Variants in ITPR2 observed in about 807,000 individuals in gnomAD.
The protein encoded by ITPR2 is inositol 1,4,5-trisphosphate-gated calcium channel ITPR2.
Under a neutral mutation model 317.1 loss-of-function variants are expected in ITPR2, and 207 were observed. That is an observed-to-expected ratio of 0.65 (90% confidence interval 0.58 to 0.73). The LOEUF is 0.73. Ranked by LOEUF, ITPR2 falls within the 30% of genes least tolerant of loss-of-function variation. The probability of loss-of-function intolerance (pLI) is 0.00; values close to 1 mark genes in which losing one functional copy is unlikely to be tolerated. For missense variants in ITPR2, 2,613 were observed against 3,284.0 expected (o/e 0.80, Z 4.99); for synonymous variants, 1,156 against 1,149.1 (o/e 1.01, Z -0.12).
intron 39 of ITPR2, among the ~76,000 whole-genome samples, chr12:26,493,484 T>C (rs1337474572): frequency 6.6e-6 from 1 of 152,190 alleles, no homozygotes; most frequent in Non-Finnish European, 1.5e-5. Context: ...GAGGAATAAA[T>C]TCCTGTGTTC....
At chr12:26,767,822 C>T (rs528161466) in intron 2 of ITPR2, among the ~76,000 whole-genome samples, 4 of 152,190 alleles carry the variant, frequency 2.6e-5, no homozygotes, top group East Asian at 1.9e-4. Flanking sequence ...AATAATCCTG[C>T]GATAAACATC....
intron 45 of ITPR2, among the ~76,000 whole-genome samples, chr12:26,453,558 C>T (rs1373936116): frequency 9.2e-5 from 14 of 152,152 alleles, no homozygotes; most frequent in Admixed American, 9.2e-4. Context: ...TTTTTGCTTT[C>T]GTTATATAGA....
chr12:26,582,280 T>G (rs565059279), intron 32 of ITPR2, among the ~76,000 whole-genome samples: 1 of 151,932 alleles, frequency 6.6e-6, no homozygotes, highest in East Asian at 1.9e-4. Flanking sequence ...GAATATTTCT[T>G]TATTTTCTTT....
At chr12:26,390,470 C>T (rs901254676) in intron 54 of ITPR2, among the ~76,000 whole-genome samples, 1 of 152,120 alleles carries the variant, frequency 6.6e-6, no homozygotes, top group Non-Finnish European at 1.5e-5. Flanking sequence ...ACCTTTAAAA[C>T]ATCCTACTAA....
At chr12:26,680,285 A>C (rs977908652) in intron 13 of ITPR2, among the ~76,000 whole-genome samples, 4 of 152,146 alleles carry the variant, frequency 2.6e-5, no homozygotes, top group Non-Finnish European at 4.4e-5. Context: ...TTTTCTGTAT[A>C]TACATATGGG....
chr12:26,621,129 T>C lies in ITPR2; in HGVS notation c.3456A>G (p.Pro1152=). Residue 1152 remains proline, a synonymous_variant, in exon 26 of 57, where the codon CCA becomes CCG. Coordinates refer to ENST00000381340, the MANE Select transcript of ITPR2 (RefSeq NM_002223.4). ...AATAGATCTTGAAACGAACCTCAAT[T>C]GGCTCTTCACCACCTTTCACTTGAC... ...GESQVKGGEE[P]IEESNILSPV... is the part of the protein sequence containing the mutation. 6 of 1,612,532 alleles carry C rather than the reference T, an allele frequency of 3.7e-6. No individual in the cohort carries two copies. Among genetic ancestry groups the C allele is most frequent in the Non-Finnish European group, 5.1e-6 (6 of 1,179,248 alleles).
intron 45 of ITPR2, among the ~76,000 whole-genome samples, chr12:26,447,006 A>G (rs1221226089): frequency 1.3e-5 from 2 of 151,868 alleles, no homozygotes; most frequent in African/African-American, 2.4e-5. Flanking sequence ...GCACATATCT[A>G]TATTACGAAA....
In ITPR2 at chr12:26,654,153, G is replaced by C. The variant is rs761690937; in HGVS notation, c.2590-27C>G. 10 of 1,521,844 alleles carry C rather than the reference G, an allele frequency of 6.6e-6. No homozygotes were observed. In the African/African-American group the frequency reaches 8.7e-5, roughly 13 times the overall value. The allele number at this position is 1,521,844 out of a possible 1,614,324, so 94.3% of individuals were successfully genotyped here. A position where few individuals can be genotyped will look rare whatever the true frequency, so the allele number is the denominator to read the frequency against. On this transcript the variant is annotated intron_variant, in intron 20 of 56. Coordinates refer to ENST00000381340, the MANE Select transcript of ITPR2 (RefSeq NM_002223.4). ...TTAATAAAAAAAAAAAAGCGGGGAG[G>C]GGGAGGGTGAAAGAGTGGAAAAAAA...
intron 37 of ITPR2, among the ~76,000 whole-genome samples, chr12:26,535,059 A>C (rs1247147424): frequency 6.6e-6 from 1 of 152,206 alleles, no homozygotes; most frequent in African/African-American, 2.4e-5. Flanking sequence ...AATAAATGAT[A>C]TGTGTATGAG....
chr12:26,599,884 A>G lies in ITPR2; in HGVS notation c.3801+103T>C, dbSNP rs1945952468. 3 of 843,386 alleles carry G rather than the reference A, an allele frequency of 3.6e-6. No homozygotes were observed. In the Admixed American group the frequency reaches 7.4e-5, roughly 21 times the overall value. The allele number at this position is 843,386 out of a possible 1,614,324, so 52.2% of individuals were successfully genotyped here. On this transcript the variant is annotated intron_variant, in intron 29 of 56. Transcript: ENST00000381340. The stretch of plus-strand genomic sequence containing the variant: ...GAGAGAGAATTTCCACAAGGAAAAA[A>G]AAATGAAGCAAGGAAGTGTAACAAA...
chr12:26,584,573 T>C (rs537234901), intron 32 of ITPR2, among the ~76,000 whole-genome samples: 72 of 152,296 alleles, frequency 4.7e-4, no homozygotes, highest in Middle Eastern at 3.4e-3. Context: ...TAAGTTACCA[T>C]ATGTTGAGCA....
intron 32 of ITPR2, among the ~76,000 whole-genome samples, chr12:26,589,819 A>T (rs12823921): frequency 0.1 from 4,079 of 40,274 alleles, 532 homozygotes; most frequent in Non-Finnish European, 0.16. Context: ...AAAATAAATA[A>T]ATAAATAAAT....
chr12:26,496,381 C>T (rs1942932210), intron 37 of ITPR2, among the ~76,000 whole-genome samples: 1 of 152,140 alleles, frequency 6.6e-6, no homozygotes, highest in Non-Finnish European at 1.5e-5. Flanking sequence ...CATATTTTGG[C>T]TATTCTTTCT....
In ITPR2 at chr12:26,335,501, C is replaced by T. The variant is rs1378928378; in HGVS notation, c.*3896G>A. Among the ~76,000 whole-genome samples the T allele has an allele frequency of 1.3e-5, 2 of 152,106 alleles. No individual in the cohort carries two copies. Among genetic ancestry groups the T allele is most frequent in the Non-Finnish European group, 2.9e-5 (2 of 68,010 alleles). ...ATGAGAAATACTGGTGTGATAATTTCATAAATTATTCAAGTCTGTGGAAAC... is the reference window on the plus strand; with the variant it reads ...ATGAGAAATACTGGTGTGATAATTTTATAAATTATTCAAGTCTGTGGAAAC... On this transcript the variant is annotated 3_prime_UTR_variant, in exon 57 of 57. Coordinates refer to ENST00000381340, the MANE Select transcript of ITPR2 (RefSeq NM_002223.4).
chr12:26,491,902 T>A (rs931662031), intron 39 of ITPR2, among the ~76,000 whole-genome samples: 3 of 152,136 alleles, frequency 2.0e-5, no homozygotes, highest in African/African-American at 7.2e-5. Flanking sequence ...TTTGTGCACA[T>A]CCCACTAAAT....
intron 2 of ITPR2, among the ~76,000 whole-genome samples, chr12:26,768,120 T>C (rs1053927444): frequency 1.3e-5 from 2 of 152,206 alleles, no homozygotes; most frequent in African/African-American, 4.8e-5. Context: ...AGCTTATGGA[T>C]ACCTAATGTA....
At chr12:26,494,096 C>G in intron 39 of ITPR2, 57 bp downstream of exon 39, 1 of 1,340,308 alleles carries the variant, frequency 7.5e-7, no homozygotes, top group Admixed American at 2.1e-5. Context: ...GTTTCTGTGA[C>G]AAGTAAACAA....
At chr12:26,782,744 A>T (rs1251190187) in intron 2 of ITPR2, among the ~76,000 whole-genome samples, 4 of 152,254 alleles carry the variant, frequency 2.6e-5, no homozygotes, top group Non-Finnish European at 5.9e-5. Context: ...ATGCACAGGA[A>T]GCCTCAAGTA....
At chr12:26,494,065 G>T in intron 39 of ITPR2, 88 bp downstream of exon 39, 4 of 1,014,616 alleles carry the variant, frequency 3.9e-6, no homozygotes, top group Non-Finnish European at 5.6e-6. Flanking sequence ...AGAGCTAAAA[G>T]AAACACATTA....
Sources: gnomAD v4.1 joint callset for allele counts (sites outside exome capture counted in the v4.1 genomes callset) on GRCh38, gnomAD v4.1.1 for gene constraint, MANE v1.5 for transcripts, NCBI Gene and HGNC (gene_info 2026-07-23, HGNC 2026-07-21) for gene names.